The following C9orf78 variants were observed in gnomAD, a reference collection of about 807,000 sequenced individuals.
C9orf78 encodes chromosome 9 open reading frame 78.
A neutral mutation model predicts 37.4 loss-of-function variants in C9orf78; 19 were observed. That is an observed-to-expected ratio of 0.51 (90% CI 0.35 to 0.74). C9orf78 has a LOEUF of 0.74. Among genes scored for constraint, C9orf78 ranks in the 30% least tolerant of loss-of-function variants. The pLI is 0.01. For missense variants in C9orf78, 291 were observed against 370.8 expected (o/e 0.78, Z 1.77); for synonymous variants, 130 against 128.0 (o/e 1.02, Z -0.10).
intron 8 of C9orf78, 128 bp from the exon 9 acceptor site, chr9:129,828,380 C>G: frequency 1.5e-6 from 1 of 650,832 alleles, no homozygotes; most frequent in Non-Finnish European, 2.9e-6. Flanking sequence ...ACCCAGTGAA[C>G]ACAGTAGGGC....
chr9:129,827,456 C>T lies in C9orf78; in HGVS notation c.*705G>A, dbSNP rs1172013063. The stretch of plus-strand genomic sequence containing the variant: ...CAGCTGGAGGATGCATTTCTGACCC[C>T]ATCCCAGACACGTGAAAGCAGAAGA... On this transcript the variant is annotated 3_prime_UTR_variant, in exon 9 of 9. Coordinates refer to ENST00000372447, the MANE Select transcript of C9orf78 (RefSeq NM_016520.3). 1 of 151,928 alleles carries T rather than the reference C, an allele frequency of 6.6e-6. No homozygotes were observed. Among genetic ancestry groups the T allele is most frequent in the Non-Finnish European group, 1.5e-5 (1 of 68,012 alleles). 9.4% of individuals were successfully genotyped at this position (151,928 alleles called of 1,614,324 possible). A position where few individuals can be genotyped will look rare whatever the true frequency, so the allele number is the denominator to read the frequency against.
In C9orf78 at chr9:129,835,248, GCCGCGCCT is replaced by G. The variant is rs2031699492; in HGVS notation, c.-35_-28del. ...GTGACAACGGCCGAGTTGTACAGCC[GCCGCGCCT>G]CTGCGCAGCGGCCCAGGCTGCTTCC... On this transcript the variant is annotated 5_prime_UTR_variant, in exon 1 of 9. Transcript: ENST00000372447. 1 of 1,561,338 alleles carries G rather than the reference GCCGCGCCT, an allele frequency of 6.4e-7. No individual in the cohort carries two copies. The highest frequency in any genetic ancestry group is 8.8e-7 in the Non-Finnish European group (1 of 1,142,390).
rs780045295 is a variant in C9orf78, at chr9:129,833,396, C to G, written c.266+51G>C. ...CCCCAGCTCTCTGAGGGAACCTAGA[C>G]CCAGGCAGCCGCTAAAGGTGAATTT... On this transcript the variant is annotated intron_variant, in intron 4 of 8. Coordinates refer to ENST00000372447, the MANE Select transcript of C9orf78 (RefSeq NM_016520.3). The G allele has an allele frequency of 6.4e-6, 7 of 1,086,546 alleles. No individual in the cohort carries two copies. The East Asian group carries it at 1.6e-4, about 26-fold the overall frequency. The allele number at this position is 1,086,546 out of a possible 1,614,324, so 67.3% of individuals were successfully genotyped here. A position where few individuals can be genotyped will look rare whatever the true frequency, so the allele number is the denominator to read the frequency against.
intron 6 of C9orf78, 124 bp downstream of exon 6, chr9:129,830,747 T>G (rs1483029515): frequency 2.8e-6 from 2 of 703,738 alleles, no homozygotes; most frequent in Admixed American, 4.2e-5. Context: ...CCTGACCTCG[T>G]GATCCACCCG....
At chr9:129,829,860 C>A in intron 6 of C9orf78, 1 of 230,800 alleles carries the variant, frequency 4.3e-6, no homozygotes, top group Non-Finnish European at 8.4e-6. Flanking sequence ...ATTATTCTAA[C>A]AATTGTACCT....
chr9:129,831,133 C>A, intron 5 of C9orf78, 65 bp from the exon 6 acceptor site: 1 of 974,520 alleles, frequency 1.0e-6, no homozygotes. Context: ...TCCTCTAAAT[C>A]AGTGGTCCCC....
At position 129,827,947 on chromosome 9, in the gene C9orf78, C is replaced by T. The variant is rs1209398430; in HGVS notation, c.*214G>A. 5 of 331,880 alleles carry T rather than the reference C, an allele frequency of 1.5e-5. No homozygotes were observed. The highest frequency in any genetic ancestry group is 8.0e-5 in the East Asian group (1 of 12,470). The allele number at this position is 331,880 out of a possible 1,614,324, so 20.6% of individuals were successfully genotyped here. A position where few individuals can be genotyped will look rare whatever the true frequency, so the allele number is the denominator to read the frequency against. On this transcript the variant is annotated 3_prime_UTR_variant, in exon 9 of 9. Coordinates refer to ENST00000372447, the MANE Select transcript of C9orf78 (RefSeq NM_016520.3). ...CTGGGATTACAGGCATGTGCCACCA[C>T]GCCTGGCTAACTTTTCTGTATTTTC...
chr9:129,829,352 G>A (rs773890545), intron 7 of C9orf78, 49 bp from the exon 8 acceptor site: 1 of 1,602,722 alleles, frequency 6.2e-7, no homozygotes, highest in South Asian at 1.1e-5. Flanking sequence ...GGTTCCTAGG[G>A]ATCTCAGCCC....
Position 129,832,031 on chromosome 9 carries a change from T to A in C9orf78, c.267-58A>T. ...AAGTCACAACTCAATGAGGCTGAGT[T>A]TTATGTTCTAAGAAGAAAACAAAGA... On this transcript the variant is annotated intron_variant, in intron 4 of 8. Coordinates refer to ENST00000372447, the MANE Select transcript of C9orf78 (RefSeq NM_016520.3). 3.6e-6 allele frequency: 3 copies of A among 829,518 alleles called. No individual in the cohort carries two copies. The South Asian group carries it at 4.0e-5, about 11-fold the overall frequency. 51.4% of individuals were successfully genotyped at this position (829,518 alleles called of 1,614,324 possible).
At chr9:129,832,183 T>C (rs2031516806) in intron 4 of C9orf78, among the ~76,000 whole-genome samples, 1 of 152,202 alleles carries the variant, frequency 6.6e-6, no homozygotes, top group Non-Finnish European at 1.5e-5. Context: ...CCTCCAAGGA[T>C]TGAGTGGATA....
At position 129,833,859 on chromosome 9, in the gene C9orf78, T is replaced by TAG; in HGVS notation, c.144-151_144-150insCT. On this transcript the variant is annotated intron_variant, in intron 2 of 8. Transcript: ENST00000372447. The stretch of plus-strand genomic sequence containing the variant: ...TAGGCAAGCCGGCTGGAAAAGCCTA[T>TAG]AAGCATAAGACAGGGCTCAACGAGC... 5 of 642,530 alleles carry TAG rather than the reference T, an allele frequency of 7.8e-6. No homozygotes were observed. The Admixed American group carries it at 9.8e-5, about 13-fold the overall frequency. 39.8% of individuals were successfully genotyped at this position (642,530 alleles called of 1,614,324 possible).
At chr9:129,828,403 G>T in intron 8 of C9orf78, 151 bp from the exon 9 acceptor site, 2 of 481,976 alleles carry the variant, frequency 4.1e-6, no homozygotes, top group South Asian at 2.1e-5. Context: ...CAGTAGATAC[G>T]TATTTGTCTT....
Position 129,835,235 on chromosome 9 carries a change from GAGTTGTACA to G in C9orf78, c.-23_-15del. On this transcript the variant is annotated 5_prime_UTR_variant, in exon 1 of 9. Coordinates refer to ENST00000372447, the MANE Select transcript of C9orf78 (RefSeq NM_016520.3). ...GACGACCGGCATGGTGACAACGGCCGAGTTGTACAGCCGCCGCGCCTCTGCGCAGCGGCC... is the reference window on the plus strand; with the variant it reads ...GACGACCGGCATGGTGACAACGGCCGGCCGCCGCGCCTCTGCGCAGCGGCC... 1.3e-6 allele frequency: 2 copies of G among 1,591,896 alleles called. No homozygotes were observed. The highest frequency in any genetic ancestry group is 1.7e-6 in the Non-Finnish European group (2 of 1,166,922).
At chr9:129,835,055 T>C (rs560383269) in intron 1 of C9orf78, 84 bp downstream of exon 1, 3 of 1,109,530 alleles carry the variant, frequency 2.7e-6, no homozygotes, top group African/African-American at 1.6e-5. Context: ...CAGTTAACAA[T>C]GTCAGCGAAG....
intron 1 of C9orf78, 158 bp from the exon 2 acceptor site, chr9:129,834,924 G>A (rs2031667263): frequency 2.9e-6 from 2 of 682,478 alleles, no homozygotes; most frequent in Non-Finnish European, 5.0e-6. Context: ...TAGACCCACC[G>A]GGAGTCAGAG....
At chr9:129,833,015 G>GTGTGTGTATA (rs1554738829) in intron 4 of C9orf78, among the ~76,000 whole-genome samples, 17 of 149,154 alleles carry the variant, frequency 1.1e-4, no homozygotes, top group African/African-American at 4.2e-4. Flanking sequence ...GTGTGTGTGT[G>GTGTGTGTATA]TATATGTGTA....
chr9:129,833,590 C>T (rs760461482), intron 3 of C9orf78, 68 bp downstream of exon 3: 54 of 1,441,792 alleles, frequency 3.7e-5, no homozygotes, highest in Middle Eastern at 1.7e-4. Flanking sequence ...TTGTGAAGCA[C>T]GCTCACTCAC....
At position 129,829,448 on chromosome 9, in the gene C9orf78, G is replaced by A. The variant is rs749077996; in HGVS notation, c.636C>T (p.Phe212=). ...AATTCACAGCCATGTTGGTAGGCAC[G>A]AAGGAGGTCTCGCTGTCTTTCTTCT... ...QNKKKDSETS[F]VPTNMAVNYV... Residue 212 remains phenylalanine, a synonymous_variant, in exon 7 of 9, where the codon TTC becomes TTT. Coordinates refer to ENST00000372447, the MANE Select transcript of C9orf78 (RefSeq NM_016520.3). The A allele has an allele frequency of 8.7e-6, 14 of 1,614,012 alleles. No individual in the cohort carries two copies. The highest frequency in any genetic ancestry group is 2.2e-5 in the South Asian group (2 of 91,082).
At chr9:129,830,754 C>T in intron 6 of C9orf78, 117 bp downstream of exon 6, 1 of 729,146 alleles carries the variant, frequency 1.4e-6, no homozygotes, top group Non-Finnish European at 2.5e-6. Flanking sequence ...TCGTGATCCA[C>T]CCGCCTCAGC....
Sources: allele counts gnomAD v4.1 joint callset (sites outside exome capture counted in the v4.1 genomes callset), GRCh38; gene constraint gnomAD v4.1.1; transcripts MANE v1.5; gene names NCBI Gene and HGNC (gene_info 2026-07-23, HGNC 2026-07-21).